RGPD1: variants seen among roughly 807,000 people sequenced by gnomAD.
RGPD1 encodes RANBP2 like and GRIP domain containing 1.
In RGPD1, 7 loss-of-function variants were observed where a neutral mutation model predicts 40.6. The observed-to-expected ratio is 0.17, with a 90% CI of 0.10 to 0.32. The LOEUF is 0.32. Among genes scored for constraint, RGPD1 ranks in the 10% least tolerant of loss-of-function variants. RGPD1 has a pLI of 1.00. For missense variants in RGPD1, 50 were observed against 472.5 expected (o/e 0.11, Z 8.29); for synonymous variants, 24 against 167.0 (o/e 0.14, Z 6.60).
chr2:86,941,374 G>T (rs2104754040), upstream of RGPD1, among the ~76,000 whole-genome samples: 1 of 151,024 alleles, frequency 6.6e-6, no homozygotes, highest in African/African-American at 2.4e-5. Context: ...ATAGATTTGG[G>T]GGGCTATTCC....
At chr2:86,930,809 G>A (rs1678900489) in intron 1 of RGPD1, 10 of 921,860 alleles carry the variant, frequency 1.1e-5, no homozygotes, top group Admixed American at 7.0e-5. Context: ...CAGCCGCCCC[G>A]CCCCTGCCAC....
upstream of RGPD1, among the ~76,000 whole-genome samples, chr2:86,938,532 A>G (rs935484896): frequency 6.6e-6 from 1 of 150,606 alleles, no homozygotes; most frequent in Non-Finnish European, 1.5e-5. Context: ...GGCATGGGCA[A>G]CGCCTAGACT....
At chr2:86,927,426 C>T (rs1399212056) in intron 1 of RGPD1, among the ~76,000 whole-genome samples, 1 of 149,848 alleles carries the variant, frequency 6.7e-6, no homozygotes, top group African/African-American at 2.5e-5. Flanking sequence ...AAATTTCATT[C>T]ATTACATTTT....
chr2:86,913,769 G>A (rs1320863327), upstream of RGPD1: 2 of 1,417,958 alleles, frequency 1.4e-6, no homozygotes. Flanking sequence ...GTGGCTTTCA[G>A]GCGCTTTCCT....
chr2:86,942,566 C>CGGGCGGCGG (rs1377271723), intron 1 of RGPD1, among the ~76,000 whole-genome samples: 6 of 102,838 alleles, frequency 5.8e-5, no homozygotes, highest in African/African-American at 1.7e-4. Context: ...TCGACGTGGC[C>CGGGCGGCGG]CGGCGGCGGC....
At chr2:86,933,214 G>C (rs1679104023) in intron 1 of RGPD1, among the ~76,000 whole-genome samples, 2 of 150,222 alleles carry the variant, frequency 1.3e-5, no homozygotes, top group Admixed American at 1.3e-4. Flanking sequence ...TTCCGAAGTG[G>C]TAGAGTTAAC....
At chr2:86,924,728 TC>T (rs1678340676) in intron 1 of RGPD1, among the ~76,000 whole-genome samples, 1 of 151,958 alleles carries the variant, frequency 6.6e-6, no homozygotes, top group Non-Finnish European at 1.5e-5. Context: ...TGCCCCTATC[TC>T]CCAAAGTGCT....
chr2:86,942,418 G>A (rs1489957916), intron 1 of RGPD1, 110 bp downstream of exon 1: 3 of 1,199,356 alleles, frequency 2.5e-6, no homozygotes, highest in Non-Finnish European at 3.2e-6. Flanking sequence ...TGGCTCAGGC[G>A]TCATGGCTCC....
chr2:86,929,356 A>G lies in RGPD1; in HGVS notation c.72+15435A>G, dbSNP rs563056536. Among the ~76,000 whole-genome samples, 479 of 151,944 alleles carry G rather than the reference A, an allele frequency of 3.2e-3. 1 individual carries two copies. Among genetic ancestry groups the G allele is most frequent in the African/African-American group, 0.011 (437 of 41,424 alleles). Reference sequence around the variant, plus strand: ...GCCGGAGAACTCTGTTCTCTTGTGCATTGATGCCCCCGGAGTTGTGAAACA... The same window carrying G: ...GCCGGAGAACTCTGTTCTCTTGTGCGTTGATGCCCCCGGAGTTGTGAAACA... On this transcript the variant is annotated intron_variant, in intron 1 of 22. Coordinates refer to the RGPD1 transcript ENST00000398193.
intron 1 of RGPD1, among the ~76,000 whole-genome samples, chr2:86,933,190 T>C (rs1380550134): frequency 6.6e-6 from 1 of 150,548 alleles, no homozygotes; most frequent in East Asian, 1.9e-4. Context: ...TTGGAGGTTT[T>C]CCTCCTCGTA....
At chr2:86,936,188 A>G (rs1679346753) in intron 1 of RGPD1, among the ~76,000 whole-genome samples, 1 of 122,590 alleles carries the variant, frequency 8.2e-6, no homozygotes, top group Admixed American at 8.2e-5. Context: ...TTGTATTTTT[A>G]GTAGAGACGG....
At chr2:86,939,397 G>GAAAT (rs1469331108), upstream of RGPD1, among the ~76,000 whole-genome samples, 2 of 150,062 alleles carry the variant, frequency 1.3e-5, no homozygotes, top group Non-Finnish European at 3.0e-5. Context: ...TGTCCAACAT[G>GAAAT]GTGAAACCCC....
In RGPD1 at chr2:87,009,102, G is replaced by A. The variant is rs1481036655; in HGVS notation, c.5237-3411G>A. Among the ~76,000 whole-genome samples, 70 of 137,926 alleles carry A rather than the reference G, an allele frequency of 5.1e-4. 2 individuals are homozygous for A. Among genetic ancestry groups the A allele is most frequent in the African/African-American group, 1.8e-3 (65 of 36,088 alleles). The allele number at this position is 137,926 out of a possible 152,430, so 90.5% of individuals were successfully genotyped here. ...GGGCAGATCGCAAGGTCAGGAGATC[G>A]AGACCATCCTGGCTAACACGGTGAA... On this transcript the variant is annotated intron_variant, in intron 22 of 22. Coordinates refer to ENST00000641458, the MANE Select transcript of RGPD1 (RefSeq NM_001382344.1).
chr2:86,930,489 C>A (rs1202840640), intron 1 of RGPD1: 2 of 1,481,112 alleles, frequency 1.4e-6, no homozygotes, highest in East Asian at 4.7e-5. Flanking sequence ...TTCACGCTGC[C>A]GCTGCTGTTG....
chr2:86,999,915 TGAA>T (rs1308150425), intron 22 of RGPD1, among the ~76,000 whole-genome samples: 2 of 58,492 alleles, frequency 3.4e-5, no homozygotes, highest in Non-Finnish European at 5.8e-5. Flanking sequence ...TTTCTAATGA[TGAA>T]GGAGGAATGT....
Position 86,942,232 on chromosome 2 carries a change from G to A in RGPD1, c.-5G>A. ...ACGCGTCTCGGGAGCCAGGTTGGCG[G>A]TGCGATGAGGCGCAGCAAGGCCTAC... is the stretch of plus-strand genomic sequence containing the variant. On this transcript the variant is annotated 5_prime_UTR_variant, in exon 1 of 23. It adds an upstream start codon to the 5' untranslated region. Coordinates refer to ENST00000641458, the MANE Select transcript of RGPD1 (RefSeq NM_001382344.1). 2 of 1,604,052 alleles carry A rather than the reference G, an allele frequency of 1.2e-6. No homozygotes were observed. The highest frequency in any genetic ancestry group is 1.1e-5 in the South Asian group (1 of 89,394).
intron 1 of RGPD1, among the ~76,000 whole-genome samples, chr2:86,943,716 T>C (rs1680101707): frequency 6.6e-6 from 1 of 152,162 alleles, no homozygotes; most frequent in Admixed American, 6.5e-5. Context: ...ATTGTTGATG[T>C]TAAAAGGATA....
rs1408023300 is a variant in RGPD1, at chr2:86,930,120, A to G, written c.72+16199A>G. On this transcript the variant is annotated intron_variant, in intron 1 of 22. Coordinates refer to the RGPD1 transcript ENST00000398193. Reference sequence around the variant, plus strand: ...GCTTAATACCGGAGTCGCCAGTTAAACGGCGATAGCGGCAGGAGGGGGGTG... The same window carrying G: ...GCTTAATACCGGAGTCGCCAGTTAAGCGGCGATAGCGGCAGGAGGGGGGTG... The G allele has an allele frequency of 8.7e-5, 135 of 1,545,182 alleles. 1 individual carries two copies. Among genetic ancestry groups the G allele is most frequent in the Non-Finnish European group, 1.1e-4 (123 of 1,140,830 alleles).
chr2:87,009,177 C>T (rs1415365091), intron 22 of RGPD1, among the ~76,000 whole-genome samples: 5 of 39,008 alleles, frequency 1.3e-4, no homozygotes, highest in Admixed American at 3.2e-4. Context: ...TGGTGGCAGG[C>T]GCCTGTAGTC....
Sources: gnomAD v4.1 joint callset for allele counts (sites outside exome capture counted in the v4.1 genomes callset) on GRCh38, gnomAD v4.1.1 for gene constraint, MANE v1.5 for transcripts, NCBI Gene and HGNC (gene_info 2026-07-23, HGNC 2026-07-21) for gene names.